The following KIAA1549L variants were observed in gnomAD, a reference collection of about 807,000 sequenced individuals.
KIAA1549L encodes KIAA1549 like.
A neutral mutation model predicts 160.7 loss-of-function variants in KIAA1549L; 88 were observed. The observed-to-expected ratio is 0.55, with a 90% CI of 0.46 to 0.65. The LOEUF (loss-of-function observed/expected upper bound fraction) is 0.65, where lower values mean the gene tolerates loss of function less well. Ranked by LOEUF, KIAA1549L falls within the 30% of genes least tolerant of loss-of-function variation. KIAA1549L has a pLI of 0.00. For synonymous variants in KIAA1549L, 950 were observed against 976.7 expected (o/e 0.97, Z 0.51); for missense variants, 2,258 against 2,437.5 (o/e 0.93, Z 1.55).
chr11:33,511,105 A>G (rs555609329), intron 1 of KIAA1549L, among the ~76,000 whole-genome samples: 1 of 152,352 alleles, frequency 6.6e-6, no homozygotes, highest in East Asian at 1.9e-4. Flanking sequence ...TCAGCCAATC[A>G]GATGTACTTC....
At chr11:33,498,608 A>T (rs1277705094) in intron 1 of KIAA1549L, among the ~76,000 whole-genome samples, 3 of 152,116 alleles carry the variant, frequency 2.0e-5, no homozygotes. Flanking sequence ...CAGCAAGAAA[A>T]CAGAAGCTGC....
At chr11:33,619,383 T>C (rs899552680) in intron 16 of KIAA1549L, among the ~76,000 whole-genome samples, 1 of 152,194 alleles carries the variant, frequency 6.6e-6, no homozygotes, top group Non-Finnish European at 1.5e-5. Flanking sequence ...TCCTTCCCAT[T>C]CCCCTAAAAT....
At chr11:33,510,450 G>A (rs531187544) in intron 1 of KIAA1549L, among the ~76,000 whole-genome samples, 18 of 152,316 alleles carry the variant, frequency 1.2e-4, no homozygotes, top group African/African-American at 4.3e-4. Context: ...GCCTCCCAAA[G>A]TGCTATGATT....
At position 33,618,614 on chromosome 11, in the gene KIAA1549L, G is replaced by A; in HGVS notation, c.5361G>A (p.Leu1787=). ...PSPGETEMDL[L]VTRERPRRGI... ...CAGGGGAAACCGAGATGGACCTTCT[G>A]GTGACTCGGGAGCGACCCCGGCGTG... Residue 1787 remains leucine (L), a synonymous_variant, in exon 16 of 21, where the codon CTG becomes CTA. Transcript: ENST00000658780. 6.2e-7 allele frequency: 1 copy of A among 1,607,700 alleles called. No homozygotes were observed. The highest frequency in any genetic ancestry group is 8.5e-7 in the Non-Finnish European group (1 of 1,176,594).
chr11:33,460,450 G>T (rs1235234551), intron 1 of KIAA1549L, among the ~76,000 whole-genome samples: 1 of 152,182 alleles, frequency 6.6e-6, no homozygotes, highest in Non-Finnish European at 1.5e-5. Context: ...GACCCATATG[G>T]GCGTGAGTGA....
At chr11:33,445,925 G>A (rs564080603) in intron 1 of KIAA1549L, among the ~76,000 whole-genome samples, 28 of 152,166 alleles carry the variant, frequency 1.8e-4, no homozygotes, top group Non-Finnish European at 3.8e-4. Flanking sequence ...ATCTGTTGGT[G>A]CTTTGATCTT....
chr11:33,435,858 G>A (rs12791298), intron 1 of KIAA1549L, among the ~76,000 whole-genome samples: 1 of 115,566 alleles, frequency 8.7e-6, no homozygotes, highest in African/African-American at 3.8e-5. Flanking sequence ...GTGTGTGTGT[G>A]TGTGTATAAA....
chr11:33,428,559 T>C (rs1323666599), intron 1 of KIAA1549L, among the ~76,000 whole-genome samples: 5 of 152,192 alleles, frequency 3.3e-5, no homozygotes, highest in Non-Finnish European at 7.3e-5. Flanking sequence ...TGTTTGGTTT[T>C]CTGTCCTTGC....
At chr11:33,634,288 C>A (rs1217347921) in intron 16 of KIAA1549L, among the ~76,000 whole-genome samples, 3 of 152,154 alleles carry the variant, frequency 2.0e-5, no homozygotes, top group Non-Finnish European at 4.4e-5. Flanking sequence ...AGTGATCCAC[C>A]CACCTCGGCC....
intron 19 of KIAA1549L, among the ~76,000 whole-genome samples, chr11:33,659,694 G>T (rs888590378): frequency 6.6e-6 from 1 of 152,154 alleles, no homozygotes; most frequent in Non-Finnish European, 1.5e-5. Context: ...ATTTCTTTTG[G>T]TTCTTTTTCT....
At chr11:33,483,266 A>G (rs1248125599) in intron 1 of KIAA1549L, among the ~76,000 whole-genome samples, 1 of 152,212 alleles carries the variant, frequency 6.6e-6, no homozygotes, top group Non-Finnish European at 1.5e-5. Flanking sequence ...CTGTCAGTCC[A>G]GTAGTAACAA....
intron 13 of KIAA1549L, among the ~76,000 whole-genome samples, chr11:33,601,221 T>A (rs1850352094): frequency 6.6e-6 from 1 of 152,072 alleles, no homozygotes; most frequent in South Asian, 2.1e-4. Context: ...CCCAGTGAAT[T>A]TGGGGGGCTG....
rs1203936607 is a variant in KIAA1549L, at chr11:33,543,528, T to C, written c.1965T>C (p.Ala655=). Residue 655 remains alanine (A), a synonymous_variant, in exon 2 of 21, where the codon GCT becomes GCC. Coordinates refer to ENST00000658780, the MANE Select transcript of KIAA1549L (RefSeq NM_012194.3). Reference sequence around the variant, plus strand: ...CCAAGCCAGAGGCTTATGCAGCTGCTGTGGACCATTCTGGGTTGCCAGCTT... The same window carrying C: ...CCAAGCCAGAGGCTTATGCAGCTGCCGTGGACCATTCTGGGTTGCCAGCTT... ...SSTKPEAYAA[A]VDHSGLPASA... The C allele has an allele frequency of 4.3e-6, 7 of 1,614,046 alleles. No individual in the cohort carries two copies. The highest frequency in any genetic ancestry group is 5.9e-6 in the Non-Finnish European group (7 of 1,179,890).
Position 33,433,581 on chromosome 11 carries a change from A to G in KIAA1549L, c.238+56692A>G, listed in dbSNP as rs1171160298. Among the ~76,000 whole-genome samples, 6 of 152,208 alleles carry G rather than the reference A, an allele frequency of 3.9e-5. 1 individual carries two copies. The South Asian group carries it at 1.2e-3, about 32-fold the overall frequency. On this transcript the variant is annotated intron_variant, in intron 1 of 20. Coordinates refer to ENST00000658780, the MANE Select transcript of KIAA1549L (RefSeq NM_012194.3). ...AAATACCATTTGACCCAGCAATCCCATTACTGGATATATACCCAAAGGAAT... is the reference window on the plus strand; with the variant it reads ...AAATACCATTTGACCCAGCAATCCCGTTACTGGATATATACCCAAAGGAAT...
chr11:33,554,407 A>G (rs1248999763), intron 6 of KIAA1549L, among the ~76,000 whole-genome samples: 4 of 152,224 alleles, frequency 2.6e-5, no homozygotes, highest in Non-Finnish European at 5.9e-5. Flanking sequence ...AGCTTAAGCA[A>G]AAAGAGGAAG....
chr11:33,581,629 C>A (rs1335877243), intron 10 of KIAA1549L, among the ~76,000 whole-genome samples: 1 of 152,130 alleles, frequency 6.6e-6, no homozygotes. Context: ...AGTAGGCACT[C>A]GGGAAATGGG....
intron 16 of KIAA1549L, among the ~76,000 whole-genome samples, chr11:33,624,225 A>C (rs1590408707): frequency 6.6e-6 from 1 of 152,284 alleles, no homozygotes; most frequent in East Asian, 1.9e-4. Context: ...CAGTCATTGG[A>C]TGTCCTTGGG....
rs72915035 is a variant in KIAA1549L at position 33,600,785 on chromosome 11, C to T, written c.4879+1838C>T. On this transcript the variant is annotated intron_variant, in intron 13 of 20. Transcript: ENST00000658780. Reference sequence around the variant, plus strand: ...TTTGTTTTATTAAATGGAATCAGTGCGCATATTGTTCTATGCCCTTTCTCT... The same window carrying T: ...TTTGTTTTATTAAATGGAATCAGTGTGCATATTGTTCTATGCCCTTTCTCT... Among the ~76,000 whole-genome samples the T allele has an allele frequency of 6.7e-3, 1,021 of 152,220 alleles. 9 individuals carry two copies. The highest frequency in any genetic ancestry group is 0.022 in the African/African-American group (896 of 41,532).
Position 33,559,776 on chromosome 11 carries a change from G to A in KIAA1549L, c.3883G>A (p.Ala1295Thr), listed in dbSNP as rs751160839. ...TGTGAGCACGTCCAATGCCTCCCAG[G>A]CAGTCACCTTGGTGTACGTCGTGGG... Reference protein sequence around the residue: ...QIVSTSNASQAVTLVYVVGNQ... With the variant: ...QIVSTSNASQTVTLVYVVGNQ... Residue 1295 changes from alanine to threonine, a missense_variant, in exon 7 of 21, where the codon GCA becomes ACA. Around this residue, in one of 6 missense-constraint regions of KIAA1549L, gnomAD observed 1,359 missense variants for 1,546.6 expected, o/e 0.88. Transcript: ENST00000658780. 1 of 1,613,900 alleles carries A rather than the reference G, an allele frequency of 6.2e-7. No individual in the cohort carries two copies. The highest frequency in any genetic ancestry group is 2.2e-5 in the East Asian group (1 of 44,876).
Sources: allele counts gnomAD v4.1 joint callset (sites outside exome capture counted in the v4.1 genomes callset), GRCh38; gene constraint gnomAD v4.1.1; regional missense constraint gnomAD v4.1.1; transcripts MANE v1.5; gene names NCBI Gene and HGNC (gene_info 2026-07-23, HGNC 2026-07-21).